Variants in LDB2 observed in about 807,000 individuals in gnomAD.
LDB2 encodes LIM domain-binding protein 2.
Under a neutral mutation model 44.3 loss-of-function variants are expected in LDB2, and 12 were observed. The observed-to-expected ratio is 0.27, with a 90% CI of 0.17 to 0.44. The LOEUF is 0.44. Among genes scored for constraint, LDB2 ranks in the 20% least tolerant of loss-of-function variants. The pLI, the probability that LDB2 is intolerant of heterozygous loss-of-function variation, is 1.00. For missense variants in LDB2, 344 were observed against 473.5 expected (o/e 0.73, Z 2.54); for synonymous variants, 164 against 174.8 (o/e 0.94, Z 0.49).
At chr4:16,759,893 T>C (rs1767519717) in intron 1 of LDB2, among the ~76,000 whole-genome samples, 1 of 152,326 alleles carries the variant, frequency 6.6e-6, no homozygotes, top group South Asian at 2.1e-4. Flanking sequence ...ATAGAGCAGT[T>C]CAGCAGAATG....
chr4:16,543,526 A>G (rs1399480713), intron 5 of LDB2, among the ~76,000 whole-genome samples: 1 of 152,326 alleles, frequency 6.6e-6, no homozygotes, highest in East Asian at 1.9e-4. Flanking sequence ...ATGGCCAGTG[A>G]TGATGAGCAT....
intron 2 of LDB2, among the ~76,000 whole-genome samples, chr4:16,630,335 C>G (rs1053784878): frequency 5.3e-5 from 8 of 152,144 alleles, no homozygotes; most frequent in Non-Finnish European, 1.0e-4. Context: ...TCCAGCCAAA[C>G]TAAGCTTCAT....
chr4:16,818,222 T>C (rs1781300730), intron 1 of LDB2, among the ~76,000 whole-genome samples: 1 of 152,168 alleles, frequency 6.6e-6, no homozygotes, highest in Non-Finnish European at 1.5e-5. Flanking sequence ...GCAGGGTGGT[T>C]ACACTTCTCA....
chr4:16,864,294 A>C (rs574295025), intron 1 of LDB2, among the ~76,000 whole-genome samples: 2 of 152,316 alleles, frequency 1.3e-5, no homozygotes, highest in African/African-American at 4.8e-5. Context: ...TTTAAGGGCA[A>C]AACTAGGAAA....
intron 1 of LDB2, among the ~76,000 whole-genome samples, chr4:16,882,090 G>A (rs1027639255): frequency 3.3e-5 from 5 of 152,162 alleles, no homozygotes; most frequent in African/African-American, 2.4e-5. Context: ...ATCCTGGCTG[G>A]GAAAACCTCT....
intron 2 of LDB2, among the ~76,000 whole-genome samples, chr4:16,740,199 C>T (rs1308451828): frequency 6.6e-6 from 1 of 152,190 alleles, no homozygotes; most frequent in Non-Finnish European, 1.5e-5. Flanking sequence ...TAGCACTAAA[C>T]TGTGACATCT....
chr4:16,630,281 T>C (rs1423708157), intron 2 of LDB2, among the ~76,000 whole-genome samples: 1 of 152,224 alleles, frequency 6.6e-6, no homozygotes, highest in Non-Finnish European at 1.5e-5. Flanking sequence ...GGGGCCAATA[T>C]TCAACATTCT....
rs1184834838 is a variant in LDB2, at chr4:16,502,381, TTC to T, written c.*260_*261del. On this transcript the variant is annotated 3_prime_UTR_variant, in exon 8 of 8. Transcript: ENST00000304523. ...CCGTGCCAGAAGATGCGCTAGAGTTTTCTCTCATTTTAATTACAATCAGTGCC... is the reference window on the plus strand; with the variant it reads ...CCGTGCCAGAAGATGCGCTAGAGTTTTCTCATTTTAATTACAATCAGTGCC... 6.5e-6 allele frequency: 3 copies of T among 463,886 alleles called. No individual in the cohort carries two copies. Among genetic ancestry groups the T allele is most frequent in the African/African-American group, 5.8e-5 (3 of 51,726 alleles). The allele number at this position is 463,886 out of a possible 1,614,324, so 28.7% of individuals were successfully genotyped here. A position where few individuals can be genotyped will look rare whatever the true frequency, so the allele number is the denominator to read the frequency against.
At chr4:16,681,881 A>T (rs1476005952) in intron 2 of LDB2, among the ~76,000 whole-genome samples, 1 of 151,962 alleles carries the variant, frequency 6.6e-6, no homozygotes, top group African/African-American at 2.4e-5. Context: ...TCTATTCTTC[A>T]TTTTAACAAC....
chr4:16,864,416 C>T (rs974944452), intron 1 of LDB2, among the ~76,000 whole-genome samples: 1 of 97,568 alleles, frequency 1.0e-5, no homozygotes, highest in Admixed American at 1.1e-4. Context: ...ACTTTCTTCG[C>T]ACAGAAAGAT....
intron 2 of LDB2, among the ~76,000 whole-genome samples, chr4:16,608,203 CTTCAAAAAA>C (rs1560615631): frequency 1.0e-5 from 1 of 95,824 alleles, no homozygotes; most frequent in African/African-American, 5.3e-5. Flanking sequence ...AATCACACTT[CTTCAAAAAA>C]AAAAAAAAAA....
intron 1 of LDB2, among the ~76,000 whole-genome samples, chr4:16,785,884 A>T (rs1164977437): frequency 6.6e-6 from 1 of 152,102 alleles, no homozygotes; most frequent in East Asian, 1.9e-4. Context: ...AACTCTTATG[A>T]CCCTCAAACC....
intron 5 of LDB2, among the ~76,000 whole-genome samples, chr4:16,555,089 G>A (rs1248284126): frequency 1.6e-5 from 1 of 62,822 alleles, no homozygotes; most frequent in Non-Finnish European, 3.0e-5. Context: ...CTGAAAATAT[G>A]GAGTGGTTTT....
In LDB2 at chr4:16,884,358, G is replaced by A. The variant is rs138057428; in HGVS notation, c.132+13996C>T. ...GGAGAAGTTAAATAATCATGCTATC[G>A]TCCAAAGTATAGTCTCTAAAAGGTA... On this transcript the variant is annotated intron_variant, in intron 1 of 7. Coordinates refer to ENST00000304523, the MANE Select transcript of LDB2 (RefSeq NM_001290.5). Among the ~76,000 whole-genome samples, 34 of 152,094 alleles carry A rather than the reference G, an allele frequency of 2.2e-4. No homozygotes were observed. In the East Asian group the frequency reaches 5.0e-3, roughly 22 times the overall value.
chr4:16,685,394 TTTTG>T (rs1748983508), intron 2 of LDB2, among the ~76,000 whole-genome samples: 1 of 152,130 alleles, frequency 6.6e-6, no homozygotes, highest in Admixed American at 6.5e-5. Context: ...TTGTTTTGTT[TTTTG>T]TTTTTTTGTT....
intron 7 of LDB2, among the ~76,000 whole-genome samples, chr4:16,503,970 A>C (rs927643375): frequency 6.6e-6 from 1 of 152,184 alleles, no homozygotes; most frequent in African/African-American, 2.4e-5. Context: ...GGCATGGGAC[A>C]GGACATCTGT....
intron 1 of LDB2, among the ~76,000 whole-genome samples, chr4:16,887,535 T>A (rs1276592407): frequency 6.7e-6 from 1 of 150,004 alleles, no homozygotes; most frequent in Non-Finnish European, 1.5e-5. Context: ...TAAAAAAGGT[T>A]GTTTTTTTGT....
chr4:16,688,141 G>T (rs554352808), intron 2 of LDB2, among the ~76,000 whole-genome samples: 2 of 152,164 alleles, frequency 1.3e-5, no homozygotes, highest in Admixed American at 6.5e-5. Context: ...AAACCTGTTG[G>T]ACCTTAAAGT....
At chr4:16,891,299 G>GT (rs1723294134) in intron 1 of LDB2, among the ~76,000 whole-genome samples, 3 of 130,202 alleles carry the variant, frequency 2.3e-5, no homozygotes, top group Non-Finnish European at 4.8e-5. Flanking sequence ...GGAATCTTAA[G>GT]TATTCTTTTT....
Sources: allele counts gnomAD v4.1 joint callset (sites outside exome capture counted in the v4.1 genomes callset), GRCh38; gene constraint gnomAD v4.1.1; transcripts MANE v1.5; gene names NCBI Gene and HGNC (gene_info 2026-07-23, HGNC 2026-07-21).